Variants in RYR2 observed in about 807,000 individuals in gnomAD.
RYR2 encodes the protein ryanodine receptor 2.
Under a neutral mutation model 601.1 loss-of-function variants are expected in RYR2, and 227 were observed. The observed-to-expected ratio is 0.38, with a 90% confidence interval of 0.34 to 0.42. The LOEUF (loss-of-function observed/expected upper bound fraction) is 0.42, where lower values mean the gene tolerates loss of function less well. RYR2 is among the 10% of genes least tolerant of loss of function. The probability of loss-of-function intolerance (pLI) is 1.00; values close to 1 mark genes in which losing one functional copy is unlikely to be tolerated. For missense variants in RYR2, 4,646 were observed against 6,156.5 expected, an observed-to-expected ratio of 0.75 and a Z score of 8.21; for synonymous variants, 2,223 against 2,175.1, an observed-to-expected ratio of 1.02 and a Z score of -0.61.
intron 10 of RYR2, among the ~76,000 whole-genome samples, chr1:237,398,061 C>T (rs10925405): frequency 0.24 from 36,249 of 152,014 alleles, 4,477 homozygotes; most frequent in African/African-American, 0.31. Context: ...TCTGTTCTGT[C>T]AGTCTTCTGA....
At chr1:237,053,263 C>T (rs1187800008) in intron 1 of RYR2, among the ~76,000 whole-genome samples, 2 of 152,328 alleles carry the variant, frequency 1.3e-5, no homozygotes, top group Admixed American at 1.3e-4. Context: ...GCTTACACGT[C>T]CTGGCTTGTA....
chr1:237,537,127 C>A (rs1487819272), intron 25 of RYR2, among the ~76,000 whole-genome samples: 1 of 152,184 alleles, frequency 6.6e-6, no homozygotes, highest in South Asian at 2.1e-4. Flanking sequence ...ATTAGTACAA[C>A]CACTATGGAG....
intron 1 of RYR2, among the ~76,000 whole-genome samples, chr1:237,146,312 A>G (rs777910912): frequency 1.2e-4 from 18 of 152,282 alleles, no homozygotes; most frequent in Non-Finnish European, 2.2e-4. Flanking sequence ...ATTGGCTCTA[A>G]GTCAACTATC....
intron 1 of RYR2, among the ~76,000 whole-genome samples, chr1:237,140,750 A>T (rs768021839): frequency 1.3e-5 from 2 of 152,214 alleles, no homozygotes; most frequent in South Asian, 4.1e-4. Context: ...ACTCTGAACC[A>T]TTACAGGTGT....
At chr1:237,517,904 A>G (rs1414725725) in intron 24 of RYR2, among the ~76,000 whole-genome samples, 1 of 152,130 alleles carries the variant, frequency 6.6e-6, no homozygotes, top group East Asian at 1.9e-4. Context: ...TTGCTTAGAT[A>G]TTGCAAATGT....
At chr1:237,135,284 T>C (rs915152634) in intron 1 of RYR2, among the ~76,000 whole-genome samples, 1 of 152,126 alleles carries the variant, frequency 6.6e-6, no homozygotes, top group Admixed American at 6.5e-5. Context: ...ATAGACTATC[T>C]TGGGGAACAG....
chr1:237,204,937 A>G (rs1403442485), intron 1 of RYR2, among the ~76,000 whole-genome samples: 2 of 152,190 alleles, frequency 1.3e-5, no homozygotes, highest in Non-Finnish European at 2.9e-5. Context: ...GCTTCCCTAC[A>G]GCAGAAGGAA....
chr1:237,498,467 T>G (rs1202458840), intron 20 of RYR2, among the ~76,000 whole-genome samples: 2 of 152,230 alleles, frequency 1.3e-5, no homozygotes, highest in South Asian at 2.1e-4. Context: ...CTTTAGATAC[T>G]ATTACCCCCT....
At position 237,772,012 on chromosome 1, in the gene RYR2, A is replaced by G; in HGVS notation, c.11558A>G (p.Asp3853Gly). 6.6e-7 allele frequency: 1 copy of G among 1,509,358 alleles called. No individual in the cohort carries two copies. The highest frequency in any genetic ancestry group is 1.9e-5 in the Admixed American group (1 of 51,480). The allele number at this position is 1,509,358 out of a possible 1,614,324, so 93.5% of individuals were successfully genotyped here. A position where few individuals can be genotyped will look rare whatever the true frequency, so the allele number is the denominator to read the frequency against. Residue 3853 changes from aspartate (D) to glycine (G), a missense_variant and splice_region_variant, in exon 86 of 105, where the codon GAT becomes GGT. This residue lies in a region of RYR2 where 90 missense variants were observed against 213.3 expected (regional missense o/e 0.42). Transcript: ENST00000366574. The part of the protein sequence containing the change: ...LQLLCEGHNS[D>G]FQNYLRTQTG... ...AATAACATTTTTTTATCTTGCATAG[A>G]TTTTCAGAATTATCTGAGAACTCAG...
intron 101 of RYR2, among the ~76,000 whole-genome samples, chr1:237,821,407 A>G (rs1662480010): frequency 6.6e-6 from 1 of 152,172 alleles, no homozygotes; most frequent in Admixed American, 6.5e-5. Context: ...GACCTCCAGC[A>G]AACTCCAGCA....
chr1:237,175,787 C>T (rs749332517), intron 1 of RYR2, among the ~76,000 whole-genome samples: 1 of 152,174 alleles, frequency 6.6e-6, no homozygotes, highest in Non-Finnish European at 1.5e-5. Context: ...CTATATTCCT[C>T]ATTTCCAGGC....
At position 237,658,120 on chromosome 1, in the gene RYR2, A is replaced by AACTT. The variant is rs1683429260; in HGVS notation, c.8208+99_8208+102dup. 4.9e-6 allele frequency: 3 copies of AACTT among 608,098 alleles called. No homozygotes were observed. The East Asian group carries it at 1.1e-4, about 22-fold the overall frequency. The allele number at this position is 608,098 out of a possible 1,614,324, so 37.7% of individuals were successfully genotyped here. A position where few individuals can be genotyped will look rare whatever the true frequency, so the allele number is the denominator to read the frequency against. On this transcript the variant is annotated intron_variant, in intron 54 of 104. Coordinates refer to ENST00000366574, the MANE Select transcript of RYR2 (RefSeq NM_001035.3). ...TGACAGTTTTCTGTTTTAAAATGAG[A>AACTT]ACTTGATCTAAATTAGGAAAAAATA...
intron 35 of RYR2, among the ~76,000 whole-genome samples, chr1:237,608,786 A>C (rs1186825415): frequency 7.2e-6 from 1 of 138,826 alleles, no homozygotes; most frequent in Non-Finnish European, 1.5e-5. Flanking sequence ...CAGCAAGTTC[A>C]GACTGACCTG....
intron 63 of RYR2, among the ~76,000 whole-genome samples, chr1:237,690,824 C>G (rs1686878315): frequency 6.6e-6 from 1 of 152,144 alleles, no homozygotes; most frequent in Non-Finnish European, 1.5e-5. Context: ...CATTGCACAC[C>G]ACACACACAA....
chr1:237,420,745 C>T (rs1345596810), intron 11 of RYR2, among the ~76,000 whole-genome samples: 3 of 152,082 alleles, frequency 2.0e-5, no homozygotes, highest in Admixed American at 6.5e-5. Flanking sequence ...CTTCCAGATA[C>T]GCTAGCAAAT....
intron 29 of RYR2, among the ~76,000 whole-genome samples, chr1:237,578,363 G>A (rs80109070): frequency 0.29 from 43,916 of 151,898 alleles, 6,803 homozygotes; most frequent in East Asian, 0.61. Flanking sequence ...AGGGTGCTTT[G>A]TATGTGTAGG....
chr1:237,325,469 A>T (rs1295786865), intron 2 of RYR2, among the ~76,000 whole-genome samples: 1 of 152,154 alleles, frequency 6.6e-6, no homozygotes, highest in Non-Finnish European at 1.5e-5. Flanking sequence ...CAGGCGGATC[A>T]TGAGGTCAGG....
At chr1:237,813,658 A>C (rs938993466) in intron 100 of RYR2, among the ~76,000 whole-genome samples, 4 of 152,128 alleles carry the variant, frequency 2.6e-5, no homozygotes, top group African/African-American at 4.8e-5. Flanking sequence ...GCCTAATTTC[A>C]TGGGGGCATG....
chr1:237,424,380 C>T (rs983024154), intron 12 of RYR2, among the ~76,000 whole-genome samples: 2 of 152,060 alleles, frequency 1.3e-5, no homozygotes, highest in African/African-American at 4.8e-5. Flanking sequence ...ATTCAGGGCT[C>T]ATTGAAAAGA....
Sources: gnomAD v4.1 joint callset for allele counts (sites outside exome capture counted in the v4.1 genomes callset) on GRCh38, gnomAD v4.1.1 for gene constraint, gnomAD v4.1.1 regional missense constraint, MANE v1.5 for transcripts, NCBI Gene and HGNC (gene_info 2026-07-23, HGNC 2026-07-21) for gene names.